STOX1: variants seen among roughly 807,000 people sequenced by gnomAD.
STOX1 encodes storkhead-box protein 1.
In STOX1, 57 loss-of-function variants were observed where a neutral mutation model predicts 74.8. The ratio of observed to expected loss-of-function variants is 0.76; its 90% CI spans 0.62 to 0.95. The LOEUF (loss-of-function observed/expected upper bound fraction) is 0.95. Among genes scored for constraint, STOX1 ranks in the 40% least tolerant of loss-of-function variants. The probability of loss-of-function intolerance (pLI) is 0.00; values close to 1 mark genes in which losing one functional copy is unlikely to be tolerated. For missense variants in STOX1, 1,010 were observed against 1,117.0 expected (o/e 0.90, Z 1.37); for synonymous variants, 375 against 401.3 (o/e 0.93, Z 0.78).
intron 3 of STOX1, among the ~76,000 whole-genome samples, chr10:68,887,430 G>A (rs1840989958): frequency 6.6e-6 from 1 of 151,926 alleles, no homozygotes; most frequent in South Asian, 2.1e-4. Flanking sequence ...TTACAGGCAT[G>A]CACCACCACA....
At position 68,852,248 on chromosome 10, in the gene STOX1, G is replaced by GATTTTTTTTT. The variant is rs200461358; in HGVS notation, c.310+24315_310+24316insATTTTTTTTT. 1.7e-4 allele frequency among the ~76,000 whole-genome samples: 22 copies of GATTTTTTTTT among 132,238 alleles called. 3 individuals are homozygous for GATTTTTTTTT. Among genetic ancestry groups the GATTTTTTTTT allele is most frequent in the South Asian group, 2.4e-4 (1 of 4,190 alleles). The allele number at this position is 132,238 out of a possible 152,430, so 86.8% of individuals were successfully genotyped here. A position where few individuals can be genotyped will look rare whatever the true frequency, so the allele number is the denominator to read the frequency against. ...TATGAGTTTAAGTTTTTCTCTTACT[G>GATTTTTTTTT]CTTTTTTTTTTTTTTTTTTTTGAGA... On this transcript the variant is annotated intron_variant, in intron 1 of 3. Transcript: ENST00000298596.
intron 1 of STOX1, among the ~76,000 whole-genome samples, chr10:68,881,672 T>G (rs1840816152): frequency 6.6e-6 from 1 of 152,250 alleles, no homozygotes; most frequent in Non-Finnish European, 1.5e-5. Flanking sequence ...TTGCATGACC[T>G]CCTGAACTCT....
chr10:68,850,744 G>C (rs887076388), intron 1 of STOX1, among the ~76,000 whole-genome samples: 1 of 152,222 alleles, frequency 6.6e-6, no homozygotes, highest in African/African-American at 2.4e-5. Flanking sequence ...GGCCAAGGCA[G>C]GTGGATTGCA....
At chr10:68,874,390 C>G (rs891585974) in intron 1 of STOX1, among the ~76,000 whole-genome samples, 20 of 152,104 alleles carry the variant, frequency 1.3e-4, no homozygotes, top group African/African-American at 4.8e-4. Context: ...GTTACTGACC[C>G]CAGACTTTTA....
At chr10:68,848,911 C>T (rs1049545792) in intron 1 of STOX1, among the ~76,000 whole-genome samples, 3 of 152,174 alleles carry the variant, frequency 2.0e-5, no homozygotes, top group African/African-American at 7.2e-5. Context: ...CTCAAGCAAT[C>T]CTGTTGCCTT....
chr10:68,893,064 C>G (rs973997949), downstream of STOX1: 3 of 238,196 alleles, frequency 1.3e-5, no homozygotes, highest in Non-Finnish European at 2.5e-5. Context: ...CAATTTACTT[C>G]CTGTAGTGAA....
intron 1 of STOX1, among the ~76,000 whole-genome samples, chr10:68,874,526 T>G (rs1211638148): frequency 1.3e-5 from 2 of 152,104 alleles, no homozygotes; most frequent in African/African-American, 2.4e-5. Flanking sequence ...ATATATTAAT[T>G]TATAATTTTG....
At chr10:68,890,435 T>G (rs1841070215) in intron 3 of STOX1, among the ~76,000 whole-genome samples, 1 of 152,054 alleles carries the variant, frequency 6.6e-6, no homozygotes, top group African/African-American at 2.4e-5. Context: ...AGTGCTAGGG[T>G]TGTAGGCATG....
chr10:68,890,495 C>T (rs1387839953), intron 3 of STOX1, among the ~76,000 whole-genome samples: 1 of 152,062 alleles, frequency 6.6e-6, no homozygotes, highest in African/African-American at 2.4e-5. Context: ...AGATCATTCC[C>T]AATTTTTTGC....
chr10:68,884,787 A>T lies in STOX1; in HGVS notation c.991A>T (p.Ser331Cys). The part of the protein sequence containing the change: ...SRKEKPKTEH[S>C]SFSAQFPPEE... The stretch of plus-strand genomic sequence containing the variant: ...AAAGGAGAAGCCCAAAACAGAACAC[A>T]GCAGTTTCTCTGCTCAGTTCCCACC... Residue 331 changes from serine (S) to cysteine (C), a missense_variant, in exon 3 of 4, where the codon AGC (serine) becomes TGC (cysteine). Ser to Cys is a moderately radical substitution (Grantham distance 112). Transcript: ENST00000298596. The T allele has an allele frequency of 6.2e-7, 1 of 1,614,236 alleles. No individual in the cohort carries two copies. The highest frequency in any genetic ancestry group is 8.5e-7 in the Non-Finnish European group (1 of 1,180,040).
intron 1 of STOX1, among the ~76,000 whole-genome samples, chr10:68,860,269 G>T (rs1207846317): frequency 6.6e-6 from 1 of 150,838 alleles, no homozygotes; most frequent in Non-Finnish European, 1.5e-5. Context: ...CTCTGTCTCG[G>T]TGGGGGAAAG....
intron 1 of STOX1, among the ~76,000 whole-genome samples, chr10:68,872,154 ATTAG>A (rs1840551245): frequency 6.6e-6 from 1 of 152,104 alleles, no homozygotes; most frequent in African/African-American, 2.4e-5. Context: ...TGTCTGGGTA[ATTAG>A]TTGAGTTAGA....
intron 1 of STOX1, among the ~76,000 whole-genome samples, chr10:68,852,951 C>T (rs1840026196): frequency 6.6e-6 from 1 of 150,566 alleles, no homozygotes; most frequent in African/African-American, 2.4e-5. Flanking sequence ...AGACAGAGTT[C>T]CGCTCTTGTC....
chr10:68,840,815 C>A (rs1349935407), intron 1 of STOX1, among the ~76,000 whole-genome samples: 1 of 152,146 alleles, frequency 6.6e-6, no homozygotes, highest in Non-Finnish European at 1.5e-5. Flanking sequence ...GCCGCCTCGG[C>A]CTCCCAAAGT....
intron 3 of STOX1, among the ~76,000 whole-genome samples, chr10:68,888,627 ATTT>A (rs747038041): frequency 2.8e-5 from 3 of 107,820 alleles, no homozygotes; most frequent in Non-Finnish European, 1.9e-5. Context: ...CTTTGCCAGT[ATTT>A]TTTTTTTTTT....
At chr10:68,828,127 C>T in intron 1 of STOX1, 194 bp downstream of exon 1, 1 of 410,286 alleles carries the variant, frequency 2.4e-6, no homozygotes, top group Non-Finnish European at 3.0e-6. Flanking sequence ...TGGCGCGCGC[C>T]GCCTCGCGGC....
intron 1 of STOX1, chr10:68,828,990 A>G: frequency 1.0e-6 from 1 of 985,414 alleles, no homozygotes; most frequent in Non-Finnish European, 1.2e-6. Context: ...CACTAAACCC[A>G]GGCAGGTGTG....
chr10:68,854,332 C>T (rs1840067715), intron 1 of STOX1, among the ~76,000 whole-genome samples: 1 of 151,740 alleles, frequency 6.6e-6, no homozygotes, highest in Admixed American at 6.6e-5. Context: ...CTTTCTGTCA[C>T]CCAGGCTGGA....
intron 1 of STOX1, among the ~76,000 whole-genome samples, chr10:68,855,101 G>A (rs1354812249): frequency 1.4e-5 from 2 of 146,416 alleles, no homozygotes; most frequent in Non-Finnish European, 3.0e-5. Flanking sequence ...CTGGGTGACA[G>A]AAAGACTGTT....
Sources: gnomAD v4.1 joint callset for allele counts (sites outside exome capture counted in the v4.1 genomes callset) on GRCh38, gnomAD v4.1.1 for gene constraint, MANE v1.5 for transcripts, NCBI Gene and HGNC (gene_info 2026-07-23, HGNC 2026-07-21) for gene names.